POLR3A: variants seen among roughly 807,000 people sequenced by gnomAD.
POLR3A encodes DNA-directed RNA polymerase III subunit RPC1.
A neutral mutation model predicts 152.8 loss-of-function variants in POLR3A; 112 were observed. The observed-to-expected ratio is 0.73, with a 90% CI of 0.63 to 0.86. The LOEUF (loss-of-function observed/expected upper bound fraction) is 0.86. Ranked by LOEUF, POLR3A falls within the 40% of genes least tolerant of loss-of-function variation. The pLI, the probability that POLR3A is intolerant of heterozygous loss-of-function variation, is 0.00. For missense variants in POLR3A, 1,385 were observed against 1,743.1 expected (o/e 0.79, Z 3.66); for synonymous variants, 615 against 652.1 (o/e 0.94, Z 0.87).
At chr10:78,025,836 G>A in intron 2 of POLR3A, 77 bp from the exon 3 acceptor site, 1 of 1,360,152 alleles carries the variant, frequency 7.4e-7, no homozygotes, top group Non-Finnish European at 1.1e-6. Context: ...TGCCTGGCTG[G>A]TGACACAGAA....
intron 5 of POLR3A, among the ~76,000 whole-genome samples, chr10:78,023,584 T>C (rs1847601192): frequency 6.6e-6 from 1 of 152,130 alleles, no homozygotes; most frequent in East Asian, 1.9e-4. Flanking sequence ...GTTCAAAGCC[T>C]GGGCAACATA....
chr10:78,019,373 A>G, intron 8 of POLR3A, 108 bp from the exon 9 acceptor site: 1 of 840,776 alleles, frequency 1.2e-6, no homozygotes, highest in Non-Finnish European at 2.0e-6. Flanking sequence ...TTCTAGGAGA[A>G]AGAGAGGCAT....
Position 78,005,304 on chromosome 10 carries a change from C to T in POLR3A, c.2075-416G>A, listed in dbSNP as rs111779861. 2.1e-3 allele frequency among the ~76,000 whole-genome samples: 314 copies of T among 152,326 alleles called. 1 individual carries two copies. Among genetic ancestry groups the T allele is most frequent in the African/African-American group, 7.1e-3 (297 of 41,576 alleles). On this transcript the variant is annotated intron_variant, in intron 15 of 30. Coordinates refer to ENST00000372371, the MANE Select transcript of POLR3A (RefSeq NM_007055.4). ...TTGATCCCAGATGTTTGTGATCAGC[C>T]TCATCTCTACAAAAACCTTAAAAAA... is the stretch of plus-strand genomic sequence containing the variant.
chr10:78,026,178 C>A lies in POLR3A; in HGVS notation c.96G>T (p.Ala32=), dbSNP rs756471379. 13 of 1,613,990 alleles carry A rather than the reference C, an allele frequency of 8.1e-6. No individual in the cohort carries two copies. The highest frequency in any genetic ancestry group is 1.6e-4 in the Middle Eastern group (1 of 6,084). The stretch of plus-strand genomic sequence containing the variant: ...GGTTCTTACTCACAACTTGGATGTG[C>A]GCCTGCTGGCGCATCTCCTCAGGTG... ...MKSPEEMRQQ[A]HIQVVSKNLY... Residue 32 remains alanine (A), a synonymous_variant, in exon 2 of 31, where the codon GCG becomes GCT. Transcript: ENST00000372371.
In POLR3A at chr10:78,013,556, G is replaced by C. The variant is rs1847487015; in HGVS notation, c.1572+94C>G. On this transcript the variant is annotated intron_variant, in intron 11 of 30. Coordinates refer to ENST00000372371, the MANE Select transcript of POLR3A (RefSeq NM_007055.4). ...GAACAGAAAGAGCCTGGCTTCTTTG[G>C]CGTTGTTAGTTGTGGTGGTGTTTTC... 3.9e-6 allele frequency: 5 copies of C among 1,275,166 alleles called. No individual in the cohort carries two copies. The South Asian group carries it at 4.8e-5, about 12-fold the overall frequency. The allele number at this position is 1,275,166 out of a possible 1,614,324, so 79.0% of individuals were successfully genotyped here.
At chr10:77,983,152 G>A (rs900576436) in intron 26 of POLR3A, among the ~76,000 whole-genome samples, 2 of 152,072 alleles carry the variant, frequency 1.3e-5, no homozygotes, top group Non-Finnish European at 1.5e-5. Flanking sequence ...GCTTCCGTGG[G>A]GCCTCCCCTT....
In POLR3A at chr10:78,007,849, T is replaced by C; in HGVS notation, c.1927A>G (p.Ser643Gly). The C allele has an allele frequency of 3.7e-6, 6 of 1,613,044 alleles. No homozygotes were observed. The highest frequency in any genetic ancestry group is 5.1e-6 in the Non-Finnish European group (6 of 1,179,010). ...TCCATGCTGCCACTCATCAACTCAC[T>C]GTTCTGGATTGTAACATCTGGAAGA... ...ANDSYVTIQN[S>G]ELMSGSMDKG... The change falls in exon 15 of 31, where the codon AGT (serine) becomes GGT (glycine). Residue 643 changes from serine to glycine, a missense_variant. Ser to Gly is a moderately conservative substitution (Grantham distance 56). Around this residue, in one of 7 missense-constraint regions of POLR3A, gnomAD observed 188 missense variants for 179.9 expected, o/e 1.04. Transcript: ENST00000372371.
At chr10:78,019,445 T>C in intron 8 of POLR3A, 180 bp from the exon 9 acceptor site, 1 of 608,964 alleles carries the variant, frequency 1.6e-6, no homozygotes. Flanking sequence ...GCAAACAAGC[T>C]TCCAGCTTCC....
intron 14 of POLR3A, among the ~76,000 whole-genome samples, chr10:78,008,614 C>T (rs1475194365): frequency 6.6e-6 from 1 of 152,160 alleles, no homozygotes; most frequent in East Asian, 1.9e-4. Context: ...TGAACGTGCT[C>T]ACATCAGAAA....
chr10:78,028,149 G>T (rs1847655358), intron 1 of POLR3A, among the ~76,000 whole-genome samples: 1 of 152,136 alleles, frequency 6.6e-6, no homozygotes, highest in African/African-American at 2.4e-5. Flanking sequence ...AGATTTTCCA[G>T]AAGGAGAACT....
At chr10:77,982,860 T>C in intron 26 of POLR3A, 43 bp from the exon 27 acceptor site, 2 of 1,596,292 alleles carry the variant, frequency 1.3e-6, no homozygotes, top group Non-Finnish European at 1.7e-6. Context: ...TCCAGTGTTG[T>C]TCTTCGTTTA....
At chr10:77,995,801 C>A (rs982662822) in intron 19 of POLR3A, among the ~76,000 whole-genome samples, 1 of 152,152 alleles carries the variant, frequency 6.6e-6, no homozygotes, top group African/African-American at 2.4e-5. Context: ...CAGCTCTGCA[C>A]CAAGCGGACC....
intron 21 of POLR3A, among the ~76,000 whole-genome samples, chr10:77,987,533 A>G (rs3781178): frequency 0.042 from 6,317 of 152,192 alleles, 320 homozygotes; most frequent in East Asian, 0.23. Context: ...CCCAGAGAGA[A>G]GGCCAGCATG....
In POLR3A at chr10:78,000,939, A is replaced by G. The variant is rs1241610475; in HGVS notation, c.2478+37T>C. On this transcript the variant is annotated intron_variant, in intron 18 of 30. Transcript: ENST00000372371. ...TCCTTGGAGGAAAGTGTAGATTAAGAGATCTTCACAGTTCTACCTGATCTG... is the reference window on the plus strand; with the variant it reads ...TCCTTGGAGGAAAGTGTAGATTAAGGGATCTTCACAGTTCTACCTGATCTG... 4 of 1,030,308 alleles carry G rather than the reference A, an allele frequency of 3.9e-6. No individual in the cohort carries two copies. In the East Asian group the frequency reaches 7.2e-5, roughly 18 times the overall value. The allele number at this position is 1,030,308 out of a possible 1,614,324, so 63.8% of individuals were successfully genotyped here.
In POLR3A at chr10:77,982,305, C is replaced by T; in HGVS notation, c.3608G>A (p.Gly1203Asp). The change falls in exon 28 of 31, where the codon GGC becomes GAC. Residue 1203 changes from glycine to aspartate, a missense_variant. Coordinates refer to ENST00000372371, the MANE Select transcript of POLR3A (RefSeq NM_007055.4). ...KEDLPKVVVQ[G>D]IPEVSRAVIH... ...GACAGCTCTGGACACCTCTGGAATG[C>T]CCTGCACCACCACCTGGATTCAGAG... 1.2e-6 allele frequency: 2 copies of T among 1,614,014 alleles called. No homozygotes were observed. The highest frequency in any genetic ancestry group is 1.1e-5 in the South Asian group (1 of 91,080).
At chr10:78,006,837 G>A (rs1293012168) in intron 15 of POLR3A, among the ~76,000 whole-genome samples, 2 of 152,076 alleles carry the variant, frequency 1.3e-5, no homozygotes, top group East Asian at 3.9e-4. Flanking sequence ...ACAATTCAAG[G>A]GCCAGGCATG....
At position 77,991,864 on chromosome 10, in the gene POLR3A, A is replaced by G. The variant is rs551692307; in HGVS notation, c.2788-697T>C. On this transcript the variant is annotated intron_variant, in intron 20 of 30. Transcript: ENST00000372371. ...CCTCTGCTTTGTCCAAGTTGACTCA[A>G]TGTTTTAATGGCTGCATTATTATTC... Among the ~76,000 whole-genome samples the G allele has an allele frequency of 1.4e-4, 22 of 152,284 alleles. No individual in the cohort carries two copies. In the East Asian group the frequency reaches 3.9e-3, roughly 27 times the overall value.
chr10:78,017,866 A>T (rs1192681873), intron 9 of POLR3A, 150 bp from the exon 10 acceptor site: 3 of 919,452 alleles, frequency 3.3e-6, no homozygotes, highest in Non-Finnish European at 5.1e-6. Context: ...TGTGCCAAGA[A>T]AAAAGCTCCC....
In POLR3A at chr10:77,985,059, T is replaced by C. The variant is rs117990962; in HGVS notation, c.3242+111A>G. 22,329 of 999,166 alleles carry C rather than the reference T, an allele frequency of 0.022. 335 individuals are homozygous for C. The highest frequency in any genetic ancestry group is 0.028 in the Non-Finnish European group (17,949 of 630,404). 61.9% of individuals were successfully genotyped at this position (999,166 alleles called of 1,614,324 possible). Reference sequence around the variant, plus strand: ...CACAGCAAGCATGCCACCCAGAGTTTAAGACACAGTCCTATGAGGATATCA... The same window carrying C: ...CACAGCAAGCATGCCACCCAGAGTTCAAGACACAGTCCTATGAGGATATCA... On this transcript the variant is annotated intron_variant, in intron 24 of 30. Transcript: ENST00000372371.
Sources: gnomAD v4.1 joint callset for allele counts (sites outside exome capture counted in the v4.1 genomes callset) on GRCh38, gnomAD v4.1.1 for gene constraint, gnomAD v4.1.1 regional missense constraint, MANE v1.5 for transcripts, NCBI Gene and HGNC (gene_info 2026-07-23, HGNC 2026-07-21) for gene names.